Variants in HIPK1 observed in about 807,000 individuals in gnomAD.
HIPK1 encodes homeodomain interacting protein kinase 1.
A neutral mutation model predicts 117.1 loss-of-function variants in HIPK1; 28 were observed. The ratio of observed to expected loss-of-function variants is 0.24; its 90% CI spans 0.18 to 0.33. The LOEUF is 0.33. HIPK1 is among the 10% of genes least tolerant of loss of function. The pLI is 1.00. For missense variants in HIPK1, 1,122 were observed against 1,475.1 expected (o/e 0.76, Z 3.92); for synonymous variants, 605 against 562.5 (o/e 1.08, Z -1.07).
Position 113,940,391 on chromosome 1 carries a change from C to T in HIPK1, c.8C>T (p.Ser3Leu). 1 of 1,600,224 alleles carries T rather than the reference C, an allele frequency of 6.2e-7. No individual in the cohort carries two copies. The highest frequency in any genetic ancestry group is 1.1e-5 in the South Asian group (1 of 89,554). Residue 3 changes from serine (S) to leucine (L), a missense_variant, in exon 2 of 16, where the codon TCA (serine) becomes TTA (leucine). Ser to Leu is a moderately radical substitution (Grantham distance 145). This residue lies in a region of HIPK1 where 192 missense variants were observed against 234.0 expected (regional missense o/e 0.82). Coordinates refer to ENST00000426820, the MANE Select transcript of HIPK1 (RefSeq NM_198268.3). ...CTTTCTCTCAATATAGGTATGGCAT[C>T]ACAGCTGCAAGTGTTTTCGCCCCCA... is the stretch of plus-strand genomic sequence containing the variant. MASQLQVFSPPSV... is the reference protein window; with the variant it reads MALQLQVFSPPSV...
rs1205385115 is a variant in HIPK1, at chr1:113,962,458, G to A, written c.2103+20G>A. 3.1e-6 allele frequency: 5 copies of A among 1,609,524 alleles called. No homozygotes were observed. Among genetic ancestry groups the A allele is most frequent in the South Asian group, 1.1e-5 (1 of 90,610 alleles). On this transcript the variant is annotated intron_variant, in intron 9 of 15. Coordinates refer to ENST00000426820, the MANE Select transcript of HIPK1 (RefSeq NM_198268.3). ...ACGCAGGTAAAAGCTAGAGCAATGT[G>A]GATACTCAGTATTGCTAAACACTAT...
chr1:113,947,799 T>C (rs924606539), intron 2 of HIPK1, among the ~76,000 whole-genome samples: 13 of 152,342 alleles, frequency 8.5e-5, no homozygotes, highest in Admixed American at 8.5e-4. Context: ...AAGAGGAGAC[T>C]TGCCATGTTC....
Position 113,952,820 on chromosome 1 carries a change from A to C in HIPK1, c.1131A>C (p.Ser377=). The part of the protein sequence containing the change: ...LPFCEAIDMW[S]LGCVIAELFL... ...TTTGTGAAGCTATTGATATGTGGTCACTGGGCTGTGTGATAGCTGAGCTGT... is the reference window on the plus strand; with the variant it reads ...TTTGTGAAGCTATTGATATGTGGTCCCTGGGCTGTGTGATAGCTGAGCTGT... Residue 377 remains serine, a synonymous_variant, in exon 3 of 16, where the codon TCA becomes TCC. Transcript: ENST00000426820. 1 of 1,548,962 alleles carries C rather than the reference A, an allele frequency of 6.5e-7. No homozygotes were observed. The highest frequency in any genetic ancestry group is 8.7e-7 in the Non-Finnish European group (1 of 1,144,270).
At position 113,958,227 on chromosome 1, in the gene HIPK1, C is replaced by A. The variant is rs1671854182; in HGVS notation, c.1917C>A (p.Thr639=). 1 of 1,614,004 alleles carries A rather than the reference C, an allele frequency of 6.2e-7. No homozygotes were observed. The highest frequency in any genetic ancestry group is 1.1e-5 in the South Asian group (1 of 91,084). Residue 639 remains threonine, a synonymous_variant, in exon 8 of 16, where the codon ACC becomes ACA. Coordinates refer to ENST00000426820, the MANE Select transcript of HIPK1 (RefSeq NM_198268.3). The stretch of plus-strand genomic sequence containing the variant: ...GTGTTTCCTTGCAGCCTGGAACCAC[C>A]CAGATTTGCACTCAGACAGATCCAT... ...QQGVSLQPGT[T]QICTQTDPFQ...
At chr1:113,944,353 G>A (rs1416654052) in intron 2 of HIPK1, among the ~76,000 whole-genome samples, 1 of 151,112 alleles carries the variant, frequency 6.6e-6, no homozygotes, top group African/African-American at 2.4e-5. Context: ...TAGTAGAGAT[G>A]GGGTTTTACC....
At chr1:113,971,655 C>CCCA (rs1376448736) in intron 14 of HIPK1, among the ~76,000 whole-genome samples, 169 bp from the exon 15 acceptor site, 1 of 152,050 alleles carries the variant, frequency 6.6e-6, no homozygotes, top group African/African-American at 2.4e-5. Flanking sequence ...GAGATTTGTG[C>CCCA]CAAGACAGAA....
chr1:113,934,410 C>T (rs1469965299), intron 1 of HIPK1, among the ~76,000 whole-genome samples: 1 of 152,116 alleles, frequency 6.6e-6, no homozygotes, highest in Admixed American at 6.5e-5. Context: ...ATGGATGTGA[C>T]CATGCCAGGG....
At chr1:113,959,295 TA>T (rs66927113) in intron 8 of HIPK1, among the ~76,000 whole-genome samples, 47,141 of 151,458 alleles carry the variant, frequency 0.31, 7,362 homozygotes, top group Admixed American at 0.33. Flanking sequence ...AAAGAGGGGC[TA>T]GGGGGGTCAG....
Position 113,963,491 on chromosome 1 carries a change from G to A in HIPK1, c.2208G>A (p.Pro736=), listed in dbSNP as rs764244137. The part of the protein sequence containing the change: ...PFTLSCAAGR[P]ALVEQTAAVL... ...CTCTGAGCTGCGCAGCCGGCCGGCC[G>A]GCGCTGGTTGAACAGACTGCCGCTG... Residue 736 remains proline (P), a synonymous_variant, in exon 10 of 16, where the codon CCG becomes CCA. Coordinates refer to ENST00000426820, the MANE Select transcript of HIPK1 (RefSeq NM_198268.3). 6 of 1,614,130 alleles carry A rather than the reference G, an allele frequency of 3.7e-6. No homozygotes were observed. Among genetic ancestry groups the A allele is most frequent in the South Asian group, 2.2e-5 (2 of 91,070 alleles).
intron 2 of HIPK1, among the ~76,000 whole-genome samples, chr1:113,946,206 C>CAT (rs976139887): frequency 1.3e-5 from 2 of 152,264 alleles, no homozygotes; most frequent in South Asian, 2.1e-4. Context: ...ACCAACATAA[C>CAT]ATATATATAA....
At chr1:113,962,257 T>G in intron 8 of HIPK1, 60 bp from the exon 9 acceptor site, 1 of 1,558,158 alleles carries the variant, frequency 6.4e-7, no homozygotes, top group Non-Finnish European at 8.7e-7. Context: ...AACAAAATAA[T>G]CTTAAAACAG....
chr1:113,962,721 T>G (rs962125001), intron 9 of HIPK1, among the ~76,000 whole-genome samples: 2 of 152,174 alleles, frequency 1.3e-5, no homozygotes, highest in African/African-American at 2.4e-5. Flanking sequence ...AGCGTTTTTT[T>G]TTGTTGTTGT....
rs753249570 is a variant in HIPK1, at chr1:113,974,144, G to T, written c.*632G>T. ...TTGTTATTTTTGCAAAACTGGTTAC[G>T]TATTACTCTGTGTTACTATTGAGAT... On this transcript the variant is annotated 3_prime_UTR_variant, in exon 16 of 16. Transcript: ENST00000426820. 1 of 152,208 alleles carries T rather than the reference G, an allele frequency of 6.6e-6. No individual in the cohort carries two copies. The highest frequency in any genetic ancestry group is 2.4e-5 in the African/African-American group (1 of 41,404). 9.4% of individuals were successfully genotyped at this position (152,208 alleles called of 1,614,324 possible).
At chr1:113,972,553 G>T (rs1462816276) in intron 15 of HIPK1, among the ~76,000 whole-genome samples, 2 of 152,212 alleles carry the variant, frequency 1.3e-5, no homozygotes. Flanking sequence ...CAGTATGAGG[G>T]TATGTGAGAG....
At chr1:113,965,536 A>T (rs1672387490) in intron 10 of HIPK1, among the ~76,000 whole-genome samples, 1 of 152,198 alleles carries the variant, frequency 6.6e-6, no homozygotes, top group South Asian at 2.1e-4. Context: ...TTGAAATTCC[A>T]TTATGTGGCT....
intron 13 of HIPK1, among the ~76,000 whole-genome samples, chr1:113,969,456 G>C (rs1036676041): frequency 2.6e-5 from 4 of 152,132 alleles, no homozygotes; most frequent in Admixed American, 6.5e-5. Flanking sequence ...TAGGATTGTT[G>C]TAAGGATTCA....
rs1673084910 is a variant in HIPK1 at position 113,975,318 on chromosome 1, C to G, written c.*1806C>G. 1 of 152,728 alleles carries G rather than the reference C, an allele frequency of 6.5e-6. No homozygotes were observed. The highest frequency in any genetic ancestry group is 6.5e-5 in the Admixed American group (1 of 15,274). 9.5% of individuals were successfully genotyped at this position (152,728 alleles called of 1,614,324 possible). Reference sequence around the variant, plus strand: ...CAACATTGAAAAATAAAAACAGCAGCTTTTCTCCTTTACCACCACCTCTAC... The same window carrying G: ...CAACATTGAAAAATAAAAACAGCAGGTTTTCTCCTTTACCACCACCTCTAC... On this transcript the variant is annotated 3_prime_UTR_variant, in exon 16 of 16. Transcript: ENST00000426820.
intron 1 of HIPK1, among the ~76,000 whole-genome samples, chr1:113,935,927 CTG>C (rs924327812): frequency 1.3e-5 from 2 of 152,142 alleles, no homozygotes; most frequent in African/African-American, 4.8e-5. Context: ...GATGTTAATT[CTG>C]TTTTTGTTGT....
intron 1 of HIPK1, chr1:113,929,816 G>GCCGGGGC (rs1356799348): frequency 3.1e-6 from 3 of 983,508 alleles, no homozygotes; most frequent in Middle Eastern, 5.2e-4. Flanking sequence ...GGGGGCGGGG[G>GCCGGGGC]CCGGGGCCCG....
Sources: gnomAD v4.1 joint callset for allele counts (sites outside exome capture counted in the v4.1 genomes callset) on GRCh38, gnomAD v4.1.1 for gene constraint, gnomAD v4.1.1 regional missense constraint, MANE v1.5 for transcripts, NCBI Gene and HGNC (gene_info 2026-07-23, HGNC 2026-07-21) for gene names.